Variants in SLC35F4 observed in about 807,000 individuals in gnomAD.
The protein encoded by SLC35F4 is chromosome 14 open reading frame 36.
SLC35F4 carries 24 observed loss-of-function variants against 44.2 expected under a neutral mutation model. The observed-to-expected ratio is 0.54, with a 90% confidence interval of 0.39 to 0.76. The LOEUF (loss-of-function observed/expected upper bound fraction) is 0.76, where lower values mean the gene tolerates loss of function less well. Ranked by LOEUF, SLC35F4 falls within the 30% of genes least tolerant of loss-of-function variation. The probability of loss-of-function intolerance (pLI) is 0.00; values close to 1 mark genes in which losing one functional copy is unlikely to be tolerated. For synonymous variants in SLC35F4, 238 were observed against 223.6 expected (o/e 1.06, Z -0.57); for missense variants, 562 against 586.1 (o/e 0.96, Z 0.42).
At chr14:57,966,143 G>A (rs1275711433) in intron 1 of SLC35F4, among the ~76,000 whole-genome samples, 4 of 152,092 alleles carry the variant, frequency 2.6e-5, no homozygotes, top group African/African-American at 7.2e-5. Flanking sequence ...AAAGCTTGAC[G>A]ACCTCTAATT....
intron 3 of SLC35F4, among the ~76,000 whole-genome samples, chr14:57,588,830 T>C (rs1248688293): frequency 6.6e-6 from 1 of 152,200 alleles, no homozygotes; most frequent in Non-Finnish European, 1.5e-5. Flanking sequence ...GATGTTCTTA[T>C]AAAACACGAC....
At chr14:57,715,821 G>C (rs1303133317) in intron 1 of SLC35F4, among the ~76,000 whole-genome samples, 2 of 152,142 alleles carry the variant, frequency 1.3e-5, no homozygotes, top group Non-Finnish European at 2.9e-5. Flanking sequence ...AGAGACAAAA[G>C]TGAAAAGGGT....
rs575845070 is a variant in SLC35F4 at position 57,914,615 on chromosome 14, A to G, written n.282+67298T>C. Among the ~76,000 whole-genome samples the G allele has an allele frequency of 2.6e-5, 4 of 152,254 alleles. No individual in the cohort carries two copies. In the South Asian group the frequency reaches 6.2e-4, roughly 24 times the overall value. ...TCTCAATAACTAACCCACTCCAGCA[A>G]TAATGGCACTAATCCATTCAGGAAG... is the stretch of plus-strand genomic sequence containing the variant. On this transcript the variant is annotated intron_variant and non_coding_transcript_variant, in intron 1 of 1. Coordinates refer to the SLC35F4 transcript ENST00000556568.
chr14:57,752,881 G>A (rs983253070), intron 1 of SLC35F4, among the ~76,000 whole-genome samples: 16 of 152,194 alleles, frequency 1.1e-4, no homozygotes, highest in African/African-American at 3.6e-4. Context: ...ACCTGCTGTT[G>A]CTACAGCAGA....
chr14:57,749,282 G>A (rs1356357786), intron 1 of SLC35F4, among the ~76,000 whole-genome samples: 6 of 152,052 alleles, frequency 3.9e-5, no homozygotes, highest in Admixed American at 6.6e-5. Context: ...ACAGGACAGT[G>A]CCACCCAAAG....
intron 1 of SLC35F4, among the ~76,000 whole-genome samples, chr14:57,961,392 T>C (rs1890337637): frequency 6.6e-6 from 1 of 152,138 alleles, no homozygotes; most frequent in Non-Finnish European, 1.5e-5. Context: ...AAACACGTCC[T>C]GAGGAGAGAG....
At chr14:57,927,089 C>T (rs79513914) in intron 1 of SLC35F4, among the ~76,000 whole-genome samples, 2 of 152,196 alleles carry the variant, frequency 1.3e-5, no homozygotes, top group Non-Finnish European at 2.9e-5. Flanking sequence ...TCAGAGATGG[C>T]CCCTGCAAGT....
At chr14:57,973,281 A>G (rs889355513), downstream of SLC35F4, among the ~76,000 whole-genome samples, 8 of 152,176 alleles carry the variant, frequency 5.3e-5, no homozygotes, top group Non-Finnish European at 8.8e-5. Context: ...GTCTTTATGT[A>G]AGCATTGCCT....
intron 1 of SLC35F4, among the ~76,000 whole-genome samples, chr14:57,612,576 C>T (rs1429523499): frequency 6.6e-6 from 1 of 152,208 alleles, no homozygotes; most frequent in Non-Finnish European, 1.5e-5. Context: ...TGGCTGTCAG[C>T]TTCTTAATAG....
chr14:57,919,934 T>C (rs1889409032), intron 1 of SLC35F4, among the ~76,000 whole-genome samples: 1 of 152,186 alleles, frequency 6.6e-6, no homozygotes, highest in African/African-American at 2.4e-5. Context: ...GGTCATTCTG[T>C]ACCTCTATAA....
At chr14:57,917,962 G>A (rs1043377092) in intron 1 of SLC35F4, among the ~76,000 whole-genome samples, 1 of 152,184 alleles carries the variant, frequency 6.6e-6, no homozygotes, top group African/African-American at 2.4e-5. Context: ...GAAGGGGCTG[G>A]AGTTAGGGAC....
At chr14:57,962,036 G>A (rs1188084056) in intron 1 of SLC35F4, among the ~76,000 whole-genome samples, 2 of 152,156 alleles carry the variant, frequency 1.3e-5, no homozygotes, top group Non-Finnish European at 2.9e-5. Context: ...TGAATGGATC[G>A]GCCAATAATA....
intron 1 of SLC35F4, chr14:57,596,005 C>T (rs1733375842): frequency 6.6e-6 from 1 of 152,182 alleles, no homozygotes; most frequent in African/African-American, 2.4e-5. Context: ...AAGAGGGTGA[C>T]TACAGTCAAC....
At chr14:57,982,667 G>A (rs571854953), upstream of SLC35F4, among the ~76,000 whole-genome samples, 1 of 152,226 alleles carries the variant, frequency 6.6e-6, no homozygotes, top group East Asian at 1.9e-4. Context: ...TCCTGGTGGG[G>A]TCGTTAAATC....
chr14:57,964,989 A>T (rs201607897), intron 1 of SLC35F4, among the ~76,000 whole-genome samples: 20,191 of 126,818 alleles, frequency 0.16, 2,600 homozygotes, highest in East Asian at 0.52. Flanking sequence ...AAAAAAAAAA[A>T]AAATATATAT....
Position 57,578,325 on chromosome 14 carries a change from G to GTTTTTTTTTTTTTTTTTTTTTTTTTTTTT in SLC35F4, c.807+2860_807+2888dup, listed in dbSNP as rs199785589. Among the ~76,000 whole-genome samples, 8 of 43,166 alleles carry GTTTTTTTTTTTTTTTTTTTTTTTTTTTTT rather than the reference G, an allele frequency of 1.9e-4. 2 individuals carry two copies. Among genetic ancestry groups the GTTTTTTTTTTTTTTTTTTTTTTTTTTTTT allele is most frequent in the Non-Finnish European group, 1.8e-4 (4 of 21,764 alleles). The allele number at this position is 43,166 out of a possible 152,430, so 28.3% of individuals were successfully genotyped here. A position where few individuals can be genotyped will look rare whatever the true frequency, so the allele number is the denominator to read the frequency against. ...GATGACTGAAAGCATCCCTTTAACT[G>GTTTTTTTTTTTTTTTTTTTTTTTTTTTTT]TTTTTTTTTTTTTTTTTTTTTTTTT... On this transcript the variant is annotated intron_variant, in intron 4 of 7. Transcript: ENST00000556826.
chr14:57,630,520 C>T lies in SLC35F4; in HGVS notation c.104-36396G>A. ...CTGCATCTCACACCAAAACTAGAGG[C>T]ACCTCAAAAATAGATTCCAAAACAC... is the stretch of plus-strand genomic sequence containing the variant. On this transcript the variant is annotated intron_variant, in intron 1 of 7. Transcript: ENST00000556826. 4 of 1,124,388 alleles carry T rather than the reference C, an allele frequency of 3.6e-6. No homozygotes were observed. In the South Asian group the frequency reaches 3.6e-5, roughly 10 times the overall value. 69.7% of individuals were successfully genotyped at this position (1,124,388 alleles called of 1,614,324 possible).
intron 1 of SLC35F4, among the ~76,000 whole-genome samples, chr14:57,670,117 T>C (rs530232032): frequency 6.6e-6 from 1 of 152,314 alleles, no homozygotes; most frequent in South Asian, 2.1e-4. Flanking sequence ...TTTATTTGCA[T>C]AGAGGTGTTT....
At chr14:57,961,389 T>A (rs540009811) in intron 1 of SLC35F4, among the ~76,000 whole-genome samples, 5 of 152,232 alleles carry the variant, frequency 3.3e-5, no homozygotes, top group Admixed American at 2.0e-4. Context: ...AGTAAACACG[T>A]CCTGAGGAGA....
Sources: gnomAD v4.1 joint callset for allele counts (sites outside exome capture counted in the v4.1 genomes callset) on GRCh38, gnomAD v4.1.1 for gene constraint, MANE v1.5 for transcripts, NCBI Gene and HGNC (gene_info 2026-07-23, HGNC 2026-07-21) for gene names.